ALDH16A1: variants seen among roughly 807,000 people sequenced by gnomAD.
ALDH16A1 encodes the protein aldehyde dehydrogenase family 16 member A1.
Under a neutral mutation model 96.1 loss-of-function variants are expected in ALDH16A1, and 88 were observed. That is an observed-to-expected ratio of 0.92 (90% CI 0.77 to 1.09). The LOEUF (loss-of-function observed/expected upper bound fraction) is 1.09. ALDH16A1 is among the 50% of genes least tolerant of loss of function. The pLI is 0.00. For missense variants in ALDH16A1, 1,250 were observed against 1,112.6 expected (o/e 1.12, Z -1.76); for synonymous variants, 522 against 496.4 (o/e 1.05, Z -0.69).
Position 49,460,914 on chromosome 19 carries a change from G to A in ALDH16A1, c.577+15G>A. 6.2e-7 allele frequency: 1 copy of A among 1,609,888 alleles called. No homozygotes were observed. Among genetic ancestry groups the A allele is most frequent in the Non-Finnish European group, 8.5e-7 (1 of 1,177,284 alleles). On this transcript the variant is annotated intron_variant, in intron 5 of 16. Transcript: ENST00000293350. ...CCTGGCTGTGGGTAAATGATGGCCT[G>A]GGGGGTCCTGACTCTTGGGTCTGAG... is the stretch of plus-strand genomic sequence containing the variant.
At position 49,462,550 on chromosome 19, in the gene ALDH16A1, G is replaced by C. The variant is rs1378349066; in HGVS notation, c.913-20G>C. The C allele has an allele frequency of 6.2e-7, 1 of 1,609,700 alleles. No homozygotes were observed. Among genetic ancestry groups the C allele is most frequent in the Admixed American group, 1.7e-5 (1 of 59,098 alleles). On this transcript the variant is annotated intron_variant, in intron 7 of 16. Transcript: ENST00000293350. ...CTAGAGTGCAATGGTGTGATCTCCT[G>C]ATGCCCCTTTTCCTCACAGGGTGGC...
rs988746406 is a variant in ALDH16A1, at chr19:49,461,996, T to C, written c.872T>C (p.Val291Ala). The C allele has an allele frequency of 2.3e-5, 35 of 1,547,006 alleles. No homozygotes were observed. Among genetic ancestry groups the C allele is most frequent in the Non-Finnish European group, 3.0e-5 (34 of 1,149,916 alleles). ...LTDTADVDSA[V>A]EGVVDAAWSD... ...GACACGGCGGACGTAGACTCGGCCG[T>C]GGAGGGTGTCGTGGACGCCGCCTGG... is the stretch of plus-strand genomic sequence containing the variant. Residue 291 changes from valine (V) to alanine (A), a missense_variant, in exon 7 of 17, where the codon GTG becomes GCG. By Grantham distance (64) the Val-to-Ala change is moderately conservative. Transcript: ENST00000293350.
rs752069195 is a variant in ALDH16A1 at position 49,459,669 on chromosome 19, G to C, written c.321-1G>C. On this transcript the variant is annotated splice_acceptor_variant, in intron 3 of 16. Coordinates refer to ENST00000293350, the MANE Select transcript of ALDH16A1 (RefSeq NM_153329.4). LOFTEE classifies it high-confidence loss of function. The surrounding 1 kb of genome is among the most constrained non-coding windows in gnomAD (Gnocchi z 4.1). ...TGAGCACCCTCTTGCTTTCTCGACA[G>C]GCTGGCCGAGGTGATCCAGAAGCAC... 1.2e-6 allele frequency: 2 copies of C among 1,604,416 alleles called. No individual in the cohort carries two copies. Among genetic ancestry groups the C allele is most frequent in the Non-Finnish European group, 8.5e-7 (1 of 1,175,402 alleles).
At chr19:49,460,996 G>C in intron 5 of ALDH16A1, 97 bp downstream of exon 5, 1 of 1,333,912 alleles carries the variant, frequency 7.5e-7, no homozygotes, top group Non-Finnish European at 1.1e-6. Context: ...GGGGCTGGAG[G>C]CCTGGACTCT....
Position 49,470,460 on chromosome 19 carries a change from G to T in ALDH16A1, c.2402G>T (p.Gly801Val), listed in dbSNP as rs775915055. Reference sequence around the variant, plus strand: ...ACCAAGGCCCTGTGGCTGCCTATGGGGGACTGATGCCTGAGCGCCACCTAC... The same window carrying T: ...ACCAAGGCCCTGTGGCTGCCTATGGTGGACTGATGCCTGAGCGCCACCTAC... ...ARTKALWLPM[G>V]D Residue 801 changes from glycine (G) to valine (V), a missense_variant, in exon 17 of 17, where the codon GGG (glycine) becomes GTG (valine). By Grantham distance (109) the Gly-to-Val change is moderately radical. Transcript: ENST00000293350. The T allele has an allele frequency of 1.3e-6, 2 of 1,574,362 alleles. No individual in the cohort carries two copies. Among genetic ancestry groups the T allele is most frequent in the Admixed American group, 3.9e-5 (2 of 51,704 alleles).
At chr19:49,458,377 C>A in intron 1 of ALDH16A1, 109 bp from the exon 2 acceptor site, 1 of 783,926 alleles carries the variant, frequency 1.3e-6, no homozygotes. Flanking sequence ...AAAGAATTAG[C>A]TGATGGGGCA....
In ALDH16A1 at chr19:49,468,718, G is replaced by A. The variant is rs541617108; in HGVS notation, c.2125-146G>A. 3.0e-6 allele frequency: 4 copies of A among 1,347,856 alleles called. No homozygotes were observed. In the African/African-American group the frequency reaches 5.8e-5, roughly 20 times the overall value. 83.5% of individuals were successfully genotyped at this position (1,347,856 alleles called of 1,614,324 possible). ...AGCACCCAAACCTTCACTCCTTGGG[G>A]ACCCAGTGCCCATTCTTCACCCTAG... On this transcript the variant is annotated intron_variant, in intron 15 of 16. Transcript: ENST00000293350. The surrounding 1 kb of genome is among the most constrained non-coding windows in gnomAD (Gnocchi z 4.4).
At chr19:49,469,465 T>C (rs1228744228) in intron 16 of ALDH16A1, 1 of 152,570 alleles carries the variant, frequency 6.6e-6, no homozygotes, top group African/African-American at 2.4e-5. Context: ...GCCAGGCTGA[T>C]CTTGAACTCC....
chr19:49,470,651 T>A lies in ALDH16A1; in HGVS notation c.*184T>A. On this transcript the variant is annotated 3_prime_UTR_variant, in exon 17 of 17. Transcript: ENST00000293350. The stretch of plus-strand genomic sequence containing the variant: ...CTGGCAGATATGAGGCTTTTTTCTT[T>A]TTTTTTTTTTTTTTTGAGACAACGT... The A allele has an allele frequency of 2.3e-6, 1 of 433,578 alleles. No individual in the cohort carries two copies. Among genetic ancestry groups the A allele is most frequent in the Non-Finnish European group, 3.6e-6 (1 of 279,772 alleles). 26.9% of individuals were successfully genotyped at this position (433,578 alleles called of 1,614,324 possible).
rs772022877 is a variant in ALDH16A1, at chr19:49,459,656, T to C, written c.321-14T>C. The C allele has an allele frequency of 6.3e-7, 1 of 1,597,892 alleles. No homozygotes were observed. The highest frequency in any genetic ancestry group is 1.1e-5 in the South Asian group (1 of 89,542). On this transcript the variant is annotated splice_polypyrimidine_tract_variant and intron_variant, in intron 3 of 16. Transcript: ENST00000293350. This position sits in a 1 kb window ranked among gnomAD's most constrained non-coding sequence, Gnocchi z 4.1. ...GGCCGTTGGAAAATGAGCACCCTCT[T>C]GCTTTCTCGACAGGCTGGCCGAGGT...
intron 7 of ALDH16A1, among the ~76,000 whole-genome samples, chr19:49,462,248 C>T (rs1384228183): frequency 7.1e-5 from 4 of 56,102 alleles, no homozygotes; most frequent in Non-Finnish European, 1.6e-4. Context: ...GGAGTAGCTG[C>T]CTCAGCCTCC....
In ALDH16A1 at chr19:49,459,813, C is replaced by T. The variant is rs776068941; in HGVS notation, c.464C>T (p.Thr155Ile). ...CACTACCATGCAATCCAGGCATCCA[C>T]CCAGGAGGAGGCACTGGCAGGCTGG... ...LLHYHAIQAS[T>I]QEEALAGWEP... Residue 155 changes from threonine to isoleucine, a missense_variant, in exon 4 of 17, where the codon ACC becomes ATC. Coordinates refer to ENST00000293350, the MANE Select transcript of ALDH16A1 (RefSeq NM_153329.4). The surrounding 1 kb of genome is among the most constrained non-coding windows in gnomAD (Gnocchi z 4.1). The T allele has an allele frequency of 1.2e-6, 2 of 1,613,438 alleles. No homozygotes were observed. Among genetic ancestry groups the T allele is most frequent in the African/African-American group, 1.3e-5 (1 of 74,990 alleles).
intron 1 of ALDH16A1, among the ~76,000 whole-genome samples, chr19:49,455,676 A>C (rs2079101297): frequency 6.6e-6 from 1 of 151,656 alleles, no homozygotes; most frequent in Admixed American, 6.6e-5. Context: ...CAGGAGGATC[A>C]CTCGCACCTA....
chr19:49,464,991 G>C (rs1351450502), intron 12 of ALDH16A1, among the ~76,000 whole-genome samples: 3 of 152,230 alleles, frequency 2.0e-5, no homozygotes, highest in East Asian at 3.8e-4. Flanking sequence ...CTAGGAGCTT[G>C]GGGTCCCCCA....
rs189461137 is a variant in ALDH16A1 at position 49,460,284 on chromosome 19, G to A, written c.499+436G>A. Among the ~76,000 whole-genome samples the A allele has an allele frequency of 1.3e-3, 194 of 151,942 alleles. 1 individual carries two copies. The highest frequency in any genetic ancestry group is 3.4e-3 in the Middle Eastern group (1 of 292). On this transcript the variant is annotated intron_variant, in intron 4 of 16. Coordinates refer to ENST00000293350, the MANE Select transcript of ALDH16A1 (RefSeq NM_153329.4). ...AGACAGGGTCTTTCTCTGTCACCCT[G>A]GCTGGAGTACAGTGGTGCAATTATA...
Position 49,464,708 on chromosome 19 carries a change from C to G in ALDH16A1, c.1514C>G (p.Thr505Ser). Residue 505 changes from threonine to serine, a missense_variant, in exon 12 of 17, where the codon ACC becomes AGC. Thr to Ser is a moderately conservative substitution (Grantham distance 58). Transcript: ENST00000293350. ...SCLSKNLNYD[T>S]FGLAVPSTLP... Reference sequence around the variant, plus strand: ...CTCTCCAAGAACCTGAACTATGACACCTTTGGCCTCGCTGTTCCCTCAACC... The same window carrying G: ...CTCTCCAAGAACCTGAACTATGACAGCTTTGGCCTCGCTGTTCCCTCAACC... The G allele has an allele frequency of 1.2e-6, 2 of 1,613,590 alleles. No homozygotes were observed. The highest frequency in any genetic ancestry group is 2.2e-5 in the South Asian group (2 of 91,082).
chr19:49,460,952 C>G lies in ALDH16A1; in HGVS notation c.577+53C>G, dbSNP rs1209213992. ...TCTTGGGTCTGAGAAAGGAGGGGAT[C>G]GTGGGGCCCAAACTCCAGAGTCTGA... is the stretch of plus-strand genomic sequence containing the variant. On this transcript the variant is annotated intron_variant, in intron 5 of 16. Transcript: ENST00000293350. The G allele has an allele frequency of 2.6e-6, 4 of 1,563,284 alleles. No homozygotes were observed. In the Admixed American group the frequency reaches 6.7e-5, roughly 26 times the overall value.
chr19:49,464,096 G>C (rs1438181775), intron 9 of ALDH16A1, 31 bp from the exon 10 acceptor site: 1 of 1,599,866 alleles, frequency 6.3e-7, no homozygotes, highest in South Asian at 1.1e-5. Flanking sequence ...GTGGGCCCTG[G>C]AGGGCTGAGC....
chr19:49,467,705 A>T (rs550747637), intron 14 of ALDH16A1, among the ~76,000 whole-genome samples: 23 of 150,920 alleles, frequency 1.5e-4, no homozygotes, highest in Admixed American at 3.3e-4. Flanking sequence ...TCTTTTTTTT[A>T]AATTTTATTT....
Sources: gnomAD v4.1 joint callset for allele counts (sites outside exome capture counted in the v4.1 genomes callset) on GRCh38, gnomAD v4.1.1 for gene constraint, Gnocchi (gnomAD v3.1) non-coding constraint, MANE v1.5 for transcripts, NCBI Gene and HGNC (gene_info 2026-07-23, HGNC 2026-07-21) for gene names.